The following CADPS2 variants were observed in gnomAD, a reference collection of about 807,000 sequenced individuals.
CADPS2 encodes calcium-dependent secretion activator 2.
Under a neutral mutation model 172.5 loss-of-function variants are expected in CADPS2, and 93 were observed. The observed-to-expected ratio is 0.54, with a 90% CI of 0.46 to 0.64. The LOEUF is 0.64. Among genes scored for constraint, CADPS2 ranks in the 30% least tolerant of loss-of-function variants. The probability of loss-of-function intolerance (pLI) is 0.00; values close to 1 mark genes in which losing one functional copy is unlikely to be tolerated. For missense variants in CADPS2, 1,420 were observed against 1,565.9 expected, an observed-to-expected ratio of 0.91 and a Z score of 1.57; for synonymous variants, 546 against 555.2, an observed-to-expected ratio of 0.98 and a Z score of 0.23.
chr7:122,644,920 A>G (rs1039841317), intron 3 of CADPS2, among the ~76,000 whole-genome samples: 9 of 152,098 alleles, frequency 5.9e-5, no homozygotes, highest in African/African-American at 2.2e-4. Context: ...AATCTGACTC[A>G]CAAATAGCAG....
chr7:122,356,452 G>C (rs2039418617), intron 27 of CADPS2, among the ~76,000 whole-genome samples: 2 of 151,910 alleles, frequency 1.3e-5, no homozygotes, highest in African/African-American at 4.8e-5. Flanking sequence ...AACTGGCTGG[G>C]GTAATATTTC....
intron 1 of CADPS2, among the ~76,000 whole-genome samples, chr7:122,779,071 C>G (rs574223777): frequency 2.0e-5 from 3 of 152,198 alleles, no homozygotes; most frequent in Non-Finnish European, 4.4e-5. Context: ...TCTGCCACCA[C>G]GTAAGATGTA....
At position 122,438,368 on chromosome 7, in the gene CADPS2, T is replaced by C; in HGVS notation, c.2449A>G (p.Arg817Gly). 1 of 1,613,158 alleles carries C rather than the reference T, an allele frequency of 6.2e-7. No homozygotes were observed. Among genetic ancestry groups the C allele is most frequent in the Non-Finnish European group, 8.5e-7 (1 of 1,179,310 alleles). ...TCTATTTTGGCATATTCTGTGAGTC[T>C]AGTGTAATTGATCAAGGCAGCTTTC... is the stretch of plus-strand genomic sequence containing the variant. ...LEKAALINYT[R>G]LTEYAKIEET... is the part of the protein sequence containing the mutation. The change falls in exon 17 of 30, where the codon AGA (arginine) becomes GGA (glycine). Residue 817 changes from arginine to glycine, a missense_variant. Physicochemically the swap from Arg to Gly is moderately radical, Grantham distance 125. Transcript: ENST00000449022.
In CADPS2 at chr7:122,702,182, T is replaced by C; in HGVS notation, c.453+34773A>G. 5.6e-6 allele frequency: 9 copies of C among 1,613,690 alleles called. No individual in the cohort carries two copies. Among genetic ancestry groups the C allele is most frequent in the Non-Finnish European group, 5.9e-6 (7 of 1,179,656 alleles). On this transcript the variant is annotated intron_variant, in intron 2 of 29. Coordinates refer to ENST00000449022, the MANE Select transcript of CADPS2 (RefSeq NM_017954.11). ...CAGGAAGGTAAATAGATACATGATGTAATGGCTCACCCACTGCATGTGCAT... is the reference window on the plus strand; with the variant it reads ...CAGGAAGGTAAATAGATACATGATGCAATGGCTCACCCACTGCATGTGCAT...
intron 1 of CADPS2, among the ~76,000 whole-genome samples, chr7:122,839,937 C>T (rs558370468): frequency 6.6e-6 from 1 of 152,256 alleles, no homozygotes; most frequent in East Asian, 1.9e-4. Flanking sequence ...TGGGTGTATA[C>T]CCAAAGGATT....
chr7:122,666,637 C>T (rs187826744), intron 2 of CADPS2, among the ~76,000 whole-genome samples: 75 of 152,286 alleles, frequency 4.9e-4, no homozygotes, highest in Admixed American at 1.3e-3. Flanking sequence ...TCACCACGCC[C>T]AGCCAGCTAA....
At chr7:122,486,594 C>T (rs1013135816) in intron 11 of CADPS2, among the ~76,000 whole-genome samples, 1 of 152,140 alleles carries the variant, frequency 6.6e-6, no homozygotes, top group African/African-American at 2.4e-5. Context: ...GGTGAAGATG[C>T]TGTGAACATT....
chr7:122,732,700 T>C (rs2091767545), intron 2 of CADPS2, among the ~76,000 whole-genome samples: 2 of 144,806 alleles, frequency 1.4e-5, no homozygotes, highest in Non-Finnish European at 3.0e-5. Flanking sequence ...ATTTACATTA[T>C]ATATTATATA....
At chr7:122,506,239 T>C (rs1459723460) in intron 9 of CADPS2, among the ~76,000 whole-genome samples, 1 of 152,176 alleles carries the variant, frequency 6.6e-6, no homozygotes, top group African/African-American at 2.4e-5. Flanking sequence ...TGAACAAAGC[T>C]TATATAATTT....
chr7:122,364,464 C>T (rs937419571), intron 25 of CADPS2, among the ~76,000 whole-genome samples: 15 of 147,092 alleles, frequency 1.0e-4, no homozygotes, highest in African/African-American at 2.8e-4. Flanking sequence ...CCGTGGCTCA[C>T]GGCTGAAATC....
At chr7:122,845,676 C>T (rs981640988) in intron 1 of CADPS2, among the ~76,000 whole-genome samples, 1 of 152,160 alleles carries the variant, frequency 6.6e-6, no homozygotes, top group African/African-American at 2.4e-5. Flanking sequence ...CAGCCTAGAG[C>T]AGGTTCACAT....
intron 4 of CADPS2, 119 bp from the exon 5 acceptor site, chr7:122,621,836 A>T: frequency 3.1e-6 from 2 of 642,816 alleles, no homozygotes; most frequent in Non-Finnish European, 5.3e-6. Flanking sequence ...CAATATATCT[A>T]TCCTACTTGA....
At chr7:122,673,375 C>G (rs998578075) in intron 2 of CADPS2, among the ~76,000 whole-genome samples, 1 of 152,206 alleles carries the variant, frequency 6.6e-6, no homozygotes, top group Non-Finnish European at 1.5e-5. Flanking sequence ...GGTGCATTTA[C>G]AATCCCTGAG....
Position 122,418,620 on chromosome 7 carries a change from A to G in CADPS2, c.2477-2456T>C, listed in dbSNP as rs117612827. On this transcript the variant is annotated intron_variant, in intron 17 of 29. Coordinates refer to ENST00000449022, the MANE Select transcript of CADPS2 (RefSeq NM_017954.11). ...TTTAGTAGAACAGTGAACTATGGAA[A>G]GATGATAGTAGGAATAGAAAAGAAG... Among the ~76,000 whole-genome samples, 598 of 152,302 alleles carry G rather than the reference A, an allele frequency of 3.9e-3. 4 individuals carry two copies. Among genetic ancestry groups the G allele is most frequent in the Middle Eastern group, 6.8e-3 (2 of 294 alleles).
chr7:122,528,959 G>C (rs2061517022), intron 8 of CADPS2, among the ~76,000 whole-genome samples: 1 of 151,854 alleles, frequency 6.6e-6, no homozygotes, highest in African/African-American at 2.4e-5. Flanking sequence ...AAAATGTGTT[G>C]AAAATTACTT....
At chr7:122,506,159 T>C (rs1163339311) in intron 9 of CADPS2, among the ~76,000 whole-genome samples, 1 of 151,850 alleles carries the variant, frequency 6.6e-6, no homozygotes, top group African/African-American at 2.4e-5. Context: ...GGGAATTAGA[T>C]AGACAACAGG....
chr7:122,695,968 A>T (rs80247140), intron 2 of CADPS2, among the ~76,000 whole-genome samples: 1 of 132,822 alleles, frequency 7.5e-6, no homozygotes. Flanking sequence ...ACCCCACACA[A>T]GAGTACACAG....
In CADPS2 at chr7:122,621,670, A is replaced by G. The variant is rs749788964; in HGVS notation, c.915T>C (p.Tyr305=). The G allele has an allele frequency of 5.0e-6, 8 of 1,611,884 alleles. No individual in the cohort carries two copies. In the Admixed American group the frequency reaches 1.3e-4, roughly 27 times the overall value. The part of the protein sequence containing the change: ...KFIAKDMENM[Y]IEELRSSVNL... ...TCACTGAAGACCGCAACTCTTCTAT[A>G]TACATATTCTCCATATCTTTTGCTA... Residue 305 remains tyrosine (Y), a synonymous_variant, in exon 5 of 30, where the codon TAT becomes TAC. Transcript: ENST00000449022.
chr7:122,723,640 A>G (rs879645796), intron 2 of CADPS2, among the ~76,000 whole-genome samples: 7 of 152,202 alleles, frequency 4.6e-5, no homozygotes, highest in African/African-American at 4.8e-5. Flanking sequence ...AGGATCTAGA[A>G]CTAGAAATAC....
Sources: allele counts gnomAD v4.1 joint callset (sites outside exome capture counted in the v4.1 genomes callset), GRCh38; gene constraint gnomAD v4.1.1; transcripts MANE v1.5; gene names NCBI Gene and HGNC (gene_info 2026-07-23, HGNC 2026-07-21).